The following CACNA1C variants were observed in gnomAD, a reference collection of about 807,000 sequenced individuals.
CACNA1C encodes calcium voltage-gated channel subunit alpha1 C.
Under a neutral mutation model 229.0 loss-of-function variants are expected in CACNA1C, and 30 were observed. The observed-to-expected ratio is 0.13, with a 90% CI of 0.10 to 0.18. The LOEUF (loss-of-function observed/expected upper bound fraction) is 0.18. CACNA1C is among the 10% of genes least tolerant of loss of function. The pLI, the probability that CACNA1C is intolerant of heterozygous loss-of-function variation, is 1.00. For missense variants in CACNA1C, 1,658 were observed against 2,845.0 expected (o/e 0.58, Z 9.49); for synonymous variants, 1,114 against 1,132.5 (o/e 0.98, Z 0.33).
intron 5 of CACNA1C, among the ~76,000 whole-genome samples, chr12:2,480,275 C>T (rs796795898): frequency 2.6e-5 from 4 of 152,254 alleles, no homozygotes; most frequent in Admixed American, 2.0e-4. Context: ...ACAGCCCTGG[C>T]GCCGGGACCC....
chr12:2,353,075 G>A (rs1449620387), intron 3 of CACNA1C, among the ~76,000 whole-genome samples: 1 of 152,184 alleles, frequency 6.6e-6, no homozygotes, highest in African/African-American at 2.4e-5. Flanking sequence ...CAGTGTTCTG[G>A]GTGCTGGGGC....
rs984440853 is a variant in CACNA1C at position 2,148,174 on chromosome 12, AATC to A, written c.477+27748_477+27750del. Among the ~76,000 whole-genome samples, 33 of 151,492 alleles carry A rather than the reference AATC, an allele frequency of 2.2e-4. 1 individual carries two copies. The highest frequency in any genetic ancestry group is 8.0e-4 in the African/African-American group (33 of 41,498). ...TAAATATATCACTCTGCAGCAAACC[AATC>A]ATCCACACAACCACAGAAATCTCTG... On this transcript the variant is annotated intron_variant, in intron 3 of 46. Coordinates refer to ENST00000399655, the MANE Select transcript of CACNA1C (RefSeq NM_000719.7).
rs368160812 is a variant in CACNA1C at position 2,518,278 on chromosome 12, A to G, written c.1390+5294A>G. ...ATATCGCTGATTTACATTATTTTAT[A>G]TGTGTCAAGGGCATGTACATAGTTA... On this transcript the variant is annotated intron_variant, in intron 9 of 46. Transcript: ENST00000399655. 7.4e-4 allele frequency among the ~76,000 whole-genome samples: 112 copies of G among 152,268 alleles called. 4 individuals carry two copies. In the South Asian group the frequency reaches 0.023, roughly 31 times the overall value.
rs748481639 is a variant in CACNA1C at position 2,584,624 on chromosome 12, C to T, written c.2339+7C>T. 6.3e-7 allele frequency: 1 copy of T among 1,590,234 alleles called. No individual in the cohort carries two copies. Among genetic ancestry groups the T allele is most frequent in the Non-Finnish European group, 8.6e-7 (1 of 1,160,212 alleles). On this transcript the variant is annotated splice_region_variant and intron_variant, in intron 16 of 46. Coordinates refer to ENST00000399655, the MANE Select transcript of CACNA1C (RefSeq NM_000719.7). ...AGAGAAAGAAGCTGGCCAGGTAACCCTCTAAGCTTGCCCAGGCCTGGGGCT... is the reference window on the plus strand; with the variant it reads ...AGAGAAAGAAGCTGGCCAGGTAACCTTCTAAGCTTGCCCAGGCCTGGGGCT...
rs1258817338 is a variant in CACNA1C at position 2,581,745 on chromosome 12, C to T, written c.2051C>T (p.Thr684Ile). Residue 684 changes from threonine to isoleucine, a missense_variant, in exon 14 of 47, where the codon ACC (threonine) becomes ATC (isoleucine). Physicochemically the swap from Thr to Ile is moderately conservative, Grantham distance 89. Coordinates refer to ENST00000399655, the MANE Select transcript of CACNA1C (RefSeq NM_000719.7). ...AAGTTCAACTTTGATGAGATGCAGA[C>T]CCGGAGGAGCACATTCGATAACTTC... ...GGKFNFDEMQ[T>I]RRSTFDNFPQ... 6.2e-7 allele frequency: 1 copy of T among 1,613,374 alleles called. No individual in the cohort carries two copies. The highest frequency in any genetic ancestry group is 8.5e-7 in the Non-Finnish European group (1 of 1,179,548).
At chr12:2,074,444 C>T (rs61910071) in intron 1 of CACNA1C, among the ~76,000 whole-genome samples, 1,722 of 152,268 alleles carry the variant, frequency 0.011, 14 homozygotes, top group Middle Eastern at 0.027. Context: ...AACTGAGGCT[C>T]GGAGATGATC....
intron 3 of CACNA1C, among the ~76,000 whole-genome samples, chr12:2,264,502 A>G (rs2081550122): frequency 6.6e-6 from 1 of 152,238 alleles, no homozygotes; most frequent in African/African-American, 2.4e-5. Flanking sequence ...TAGAAGCTTC[A>G]TGACCTAGGG....
At chr12:1,979,382 T>C (rs112916394) in intron 1 of CACNA1C, among the ~76,000 whole-genome samples, 4,146 of 152,260 alleles carry the variant, frequency 0.027, 95 homozygotes, top group Middle Eastern at 0.054. Context: ...TGGTGCCATC[T>C]TGGCTCACTA....
At position 2,666,822 on chromosome 12, in the gene CACNA1C, A is replaced by G; in HGVS notation, c.4623+40A>G. 8.0e-7 allele frequency: 1 copy of G among 1,242,444 alleles called. No individual in the cohort carries two copies. Among genetic ancestry groups the G allele is most frequent in the Non-Finnish European group, 1.2e-6 (1 of 863,082 alleles). The allele number at this position is 1,242,444 out of a possible 1,614,324, so 77.0% of individuals were successfully genotyped here. A position where few individuals can be genotyped will look rare whatever the true frequency, so the allele number is the denominator to read the frequency against. On this transcript the variant is annotated intron_variant, in intron 37 of 46. Transcript: ENST00000399655. This position sits in a 1 kb window ranked among gnomAD's most constrained non-coding sequence, Gnocchi z 5.3. Reference sequence around the variant, plus strand: ...GGTTCATGGGAGGGAGAGGGAAAATAGGGGAAGTGAAGTGCCCATTTCTTG... The same window carrying G: ...GGTTCATGGGAGGGAGAGGGAAAATGGGGGAAGTGAAGTGCCCATTTCTTG...
intron 13 of CACNA1C, among the ~76,000 whole-genome samples, chr12:2,568,304 A>T (rs1040504076): frequency 6.7e-6 from 1 of 148,450 alleles, no homozygotes; most frequent in East Asian, 2.0e-4. Context: ...GTCAAAAAAA[A>T]CTGAAAATCA....
chr12:2,063,153 CTTT>C (rs200249420), intron 1 of CACNA1C, among the ~76,000 whole-genome samples: 2 of 143,592 alleles, frequency 1.4e-5, no homozygotes. Flanking sequence ...ATAATAATTC[CTTT>C]TTTTTTTTTT....
intron 3 of CACNA1C, among the ~76,000 whole-genome samples, chr12:2,260,493 AAAG>A (rs1199540266): frequency 1.3e-5 from 2 of 151,428 alleles, no homozygotes; most frequent in Admixed American, 6.6e-5. Context: ...AAAAAAAAAA[AAAG>A]AACAAGAAGA....
intron 1 of CACNA1C, among the ~76,000 whole-genome samples, chr12:1,999,526 G>T: frequency 6.6e-6 from 1 of 152,170 alleles, no homozygotes. Context: ...TTTGAGACCA[G>T]CCTGGGCAAC....
chr12:2,131,730 AG>A (rs1346107698), intron 3 of CACNA1C, among the ~76,000 whole-genome samples: 9 of 148,808 alleles, frequency 6.0e-5, no homozygotes, highest in Non-Finnish European at 1.0e-4. Flanking sequence ...GTTTGAAGTC[AG>A]GTAGTGTGAT....
At position 2,647,539 on chromosome 12, in the gene CACNA1C, A is replaced by G. The variant is rs1219781498; in HGVS notation, c.3913-936A>G. ...CATGCCAACGGTCAGGGCTCGCCGC[A>G]CCTATAGACCAACAGCTAAGCAAGG... On this transcript the variant is annotated intron_variant, in intron 30 of 46. Coordinates refer to ENST00000399655, the MANE Select transcript of CACNA1C (RefSeq NM_000719.7). The surrounding 1 kb of genome is among the most constrained non-coding windows in gnomAD (Gnocchi z 4.2). Among the ~76,000 whole-genome samples, 1 of 152,204 alleles carries G rather than the reference A, an allele frequency of 6.6e-6. No individual in the cohort carries two copies. The highest frequency in any genetic ancestry group is 2.4e-5 in the African/African-American group (1 of 41,456).
At chr12:2,555,218 T>A (rs535252489) in intron 10 of CACNA1C, among the ~76,000 whole-genome samples, 8 of 152,290 alleles carry the variant, frequency 5.3e-5, no homozygotes, top group Non-Finnish European at 7.4e-5. Flanking sequence ...CAGGATTAGG[T>A]TTCCCCAGAG....
intron 1 of CACNA1C, among the ~76,000 whole-genome samples, chr12:2,037,630 C>T (rs957878047): frequency 5.9e-5 from 9 of 152,184 alleles, no homozygotes; most frequent in African/African-American, 1.9e-4. Context: ...GAACTGGTTT[C>T]CACCATCGTA....
intron 27 of CACNA1C, among the ~76,000 whole-genome samples, chr12:2,609,984 G>A (rs149710172): frequency 6.6e-6 from 1 of 152,260 alleles, no homozygotes; most frequent in African/African-American, 2.4e-5. Context: ...AATTAGCTGG[G>A]CGTTGTGGCG....
rs188291726 is a variant in CACNA1C at position 2,287,468 on chromosome 12, C to T, written c.478-161508C>T. Among the ~76,000 whole-genome samples the T allele has an allele frequency of 5.9e-5, 9 of 152,220 alleles. No homozygotes were observed. Among genetic ancestry groups the T allele is most frequent in the East Asian group, 3.9e-4 (2 of 5,176 alleles). On this transcript the variant is annotated intron_variant, in intron 3 of 46. Coordinates refer to ENST00000399655, the MANE Select transcript of CACNA1C (RefSeq NM_000719.7). The surrounding 1 kb of genome is among the most constrained non-coding windows in gnomAD (Gnocchi z 4.6). The stretch of plus-strand genomic sequence containing the variant: ...GGTTGGGTCAGTGGAGATCAGGGCC[C>T]GAAGAGCAGTTTCAGCCTGCGTGGT...
Sources: gnomAD v4.1 joint callset for allele counts (sites outside exome capture counted in the v4.1 genomes callset) on GRCh38, gnomAD v4.1.1 for gene constraint, Gnocchi (gnomAD v3.1) non-coding constraint, MANE v1.5 for transcripts, NCBI Gene and HGNC (gene_info 2026-07-23, HGNC 2026-07-21) for gene names.